Variants in ARMCX4 observed in about 807,000 individuals in gnomAD.
ARMCX4 encodes the protein armadillo repeat containing X-linked 4.
Under a neutral mutation model 34.7 loss-of-function variants are expected in ARMCX4, and 3 were observed. The observed-to-expected ratio is 0.09, with a 90% confidence interval of 0.04 to 0.22. The LOEUF is 0.22. Among genes scored for constraint, ARMCX4 ranks in the 10% least tolerant of loss-of-function variants. The probability of loss-of-function intolerance (pLI) is 1.00; values close to 1 mark genes in which losing one functional copy is unlikely to be tolerated. For missense variants in ARMCX4, 1,448 were observed against 1,720.8 expected (o/e 0.84, Z 2.81); for synonymous variants, 513 against 632.8 (o/e 0.81, Z 2.84).
At chrX:101,498,411 A>G (rs1047228939), downstream of ARMCX4, 8 of 206,628 alleles carry the variant, frequency 3.9e-5, no homozygotes, top group Non-Finnish European at 7.2e-5. Flanking sequence ...CTGGGTTGGC[A>G]TACTGGTAAA....
At chrX:101,528,699 A>G in intron 11 of ARMCX4, among the ~76,000 whole-genome samples, 1 of 111,505 alleles carries the variant, frequency 9.0e-6, no homozygotes, top group Non-Finnish European at 1.9e-5. Context: ...ACAGACAAAC[A>G]GAGAGCCAAA....
In ARMCX4 at chrX:101,492,108, T is replaced by C; in HGVS notation, c.3519T>C (p.Asn1173=). Residue 1173 remains asparagine (N), a synonymous_variant, in exon 6 of 6, where the codon AAT becomes AAC. Transcript: ENST00000423738. ...CCTGGGCTGGGGCCAGGGCTGAGAA[T>C]GTGGTTGGTATTGGGACTTGGGCTA... is the stretch of plus-strand genomic sequence containing the variant. ...VKSWAGARAE[N]VVGIGTWARA... The C allele has an allele frequency of 8.7e-7, 1 of 1,150,806 alleles. No individual in the cohort carries two copies. Among genetic ancestry groups the C allele is most frequent in the South Asian group, 1.9e-5 (1 of 52,322 alleles). 94.8% of individuals were successfully genotyped at this position (1,150,806 alleles called of 1,213,427 possible).
intron 2 of ARMCX4, among the ~76,000 whole-genome samples, chrX:101,433,061 CGT>C (rs1262417152): frequency 9.2e-6 from 1 of 108,715 alleles, no homozygotes; most frequent in South Asian, 3.7e-4. Flanking sequence ...TATACATACA[CGT>C]GTATATATAC....
intron 4 of ARMCX4, among the ~76,000 whole-genome samples, chrX:101,454,012 C>T (rs956226647): frequency 9.1e-6 from 1 of 110,360 alleles, no homozygotes; most frequent in African/African-American, 3.3e-5. Flanking sequence ...GATATAGCGT[C>T]GTTACCCTCA....
intron 4 of ARMCX4, among the ~76,000 whole-genome samples, chrX:101,471,363 A>G (rs1556002948): frequency 1.8e-5 from 2 of 111,709 alleles, no homozygotes; most frequent in Non-Finnish European, 3.8e-5. Context: ...AATGCTTTTT[A>G]TGCTCTAAGG....
At chrX:101,476,600 C>G (rs1370836389) in intron 4 of ARMCX4, among the ~76,000 whole-genome samples, 2 of 110,843 alleles carry the variant, frequency 1.8e-5, no homozygotes, top group African/African-American at 6.6e-5. Flanking sequence ...AAAGCATCTT[C>G]TAAATGACTC....
At chrX:101,454,654 T>C (rs905816510) in intron 4 of ARMCX4, among the ~76,000 whole-genome samples, 1 of 111,348 alleles carries the variant, frequency 9.0e-6, no homozygotes, top group African/African-American at 3.3e-5. Flanking sequence ...ATGTTCATAA[T>C]TGGCTCTTGT....
In ARMCX4 at chrX:101,489,342, G is replaced by A. The variant is rs1556007887; in HGVS notation, c.753G>A (p.Glu251=). The A allele has an allele frequency of 1.7e-6, 2 of 1,154,900 alleles. No individual in the cohort carries two copies. Among genetic ancestry groups the A allele is most frequent in the Non-Finnish European group, 2.3e-6 (2 of 872,163 alleles). ...TGAGTGTGGCTAAGACTCAGTCTGA[G>A]GCCAGGCCTGGTGCCACAGTTGATG... ...ETVSVAKTQS[E]ARPGATVDAR... is the part of the protein sequence containing the mutation. Residue 251 remains glutamate, a synonymous_variant, in exon 6 of 6, where the codon GAG becomes GAA. Coordinates refer to ENST00000423738, the MANE Select transcript of ARMCX4 (RefSeq NM_001256155.3).
intron 11 of ARMCX4, among the ~76,000 whole-genome samples, chrX:101,511,930 T>C (rs1286250728): frequency 1.8e-5 from 2 of 110,802 alleles, no homozygotes; most frequent in Non-Finnish European, 3.8e-5. Flanking sequence ...TTTTTTTTTT[T>C]AGTACAACTT....
chrX:101,434,481 C>A (rs1035116064), intron 2 of ARMCX4, among the ~76,000 whole-genome samples: 1 of 109,793 alleles, frequency 9.1e-6, no homozygotes, highest in African/African-American at 3.3e-5. Flanking sequence ...CTCCTGACCT[C>A]GTGATCCGCC....
intron 2 of ARMCX4, among the ~76,000 whole-genome samples, chrX:101,438,515 A>G (rs1555995725): frequency 1.8e-5 from 2 of 111,163 alleles, no homozygotes; most frequent in African/African-American, 6.5e-5. Flanking sequence ...CAGTGAGCCA[A>G]GATCGCGCCA....
chrX:101,459,098 C>T (rs1172641035), intron 4 of ARMCX4, among the ~76,000 whole-genome samples: 2 of 111,696 alleles, frequency 1.8e-5, no homozygotes, highest in Non-Finnish European at 3.8e-5. Context: ...GCTAGATTCA[C>T]CTTTTATGTT....
chrX:101,484,387 T>C (rs1556006019), upstream of ARMCX4, among the ~76,000 whole-genome samples: 1 of 112,274 alleles, frequency 8.9e-6, no homozygotes, highest in Non-Finnish European at 1.9e-5. Context: ...GAGGCTGATC[T>C]GATTACATGC....
chrX:101,437,904 C>T (rs1314460428), intron 2 of ARMCX4, among the ~76,000 whole-genome samples: 7 of 111,694 alleles, frequency 6.3e-5, no homozygotes, highest in African/African-American at 2.0e-4. Context: ...TCGTTATGTA[C>T]CCAGTAGTCA....
intron 4 of ARMCX4, among the ~76,000 whole-genome samples, chrX:101,476,700 TAG>T (rs781822821): frequency 9.0e-6 from 1 of 111,705 alleles, no homozygotes; most frequent in African/African-American, 3.2e-5. Context: ...GGGATGAGGT[TAG>T]AGTTATTAAA....
At chrX:101,500,918 C>T (rs782464357) in intron 7 of ARMCX4, among the ~76,000 whole-genome samples, 2 of 111,859 alleles carry the variant, frequency 1.8e-5, no homozygotes, top group Non-Finnish European at 3.8e-5. Flanking sequence ...GGGGCCAGCA[C>T]ATTGGAGGCC....
downstream of ARMCX4, among the ~76,000 whole-genome samples, chrX:101,448,308 G>A (rs1821573018): frequency 8.9e-6 from 1 of 112,106 alleles, no homozygotes; most frequent in African/African-American, 3.2e-5. Context: ...AAACATGGGA[G>A]TACAGATATA....
rs1458826713 is a variant in ARMCX4, at chrX:101,494,213, C to G, written c.5624C>G (p.Ser1875Cys). Reference protein sequence around the residue: ...LGAGEEAGVESWTLARNVGED... With the variant: ...LGAGEEAGVECWTLARNVGED... The stretch of plus-strand genomic sequence containing the variant: ...GCTGGGGAAGAGGCTGGTGTAGAGT[C>G]CTGGACCTTGGCTAGGAATGTGGGA... The change falls in exon 6 of 6, where the codon TCC (serine) becomes TGC (cysteine). Residue 1875 changes from serine (S) to cysteine (C), a missense_variant. Transcript: ENST00000423738. The G allele has an allele frequency of 4.9e-5, 56 of 1,150,263 alleles. No individual in the cohort carries two copies. Among genetic ancestry groups the G allele is most frequent in the Non-Finnish European group, 5.7e-5 (50 of 870,536 alleles). The allele number at this position is 1,150,263 out of a possible 1,213,427, so 94.8% of individuals were successfully genotyped here.
upstream of ARMCX4, among the ~76,000 whole-genome samples, chrX:101,481,482 A>G (rs1556005410): frequency 1.8e-5 from 2 of 112,005 alleles, no homozygotes; most frequent in Non-Finnish European, 3.8e-5. Context: ...TTTTAGATTT[A>G]TGGTATTTTC....
Sources: gnomAD v4.1 joint callset for allele counts (sites outside exome capture counted in the v4.1 genomes callset) on GRCh38, gnomAD v4.1.1 for gene constraint, MANE v1.5 for transcripts, NCBI Gene and HGNC (gene_info 2026-07-23, HGNC 2026-07-21) for gene names.